The following CSMD1 variants were observed in gnomAD, a reference collection of about 807,000 sequenced individuals.
CSMD1 encodes CUB and Sushi multiple domains 1.
In CSMD1, 213 loss-of-function variants were observed where a neutral mutation model predicts 417.5. The observed-to-expected ratio is 0.51, with a 90% CI of 0.46 to 0.57. The LOEUF is 0.57. Among genes scored for constraint, CSMD1 ranks in the 20% least tolerant of loss-of-function variants. The pLI, the probability that CSMD1 is intolerant of heterozygous loss-of-function variation, is 0.00. For missense variants in CSMD1, 6,923 were observed against 4,529.7 expected, an observed-to-expected ratio of 1.53 and a Z score of -15.17; for synonymous variants, 2,862 against 1,736.8, an observed-to-expected ratio of 1.65 and a Z score of -16.11.
At chr8:3,889,726 G>C (rs542355457) in intron 5 of CSMD1, among the ~76,000 whole-genome samples, 1 of 151,606 alleles carries the variant, frequency 6.6e-6, no homozygotes, top group Non-Finnish European at 1.5e-5. Flanking sequence ...TGGATTTTGT[G>C]AAACAGACTT....
intron 5 of CSMD1, among the ~76,000 whole-genome samples, chr8:3,799,941 A>G (rs546660711): frequency 6.6e-6 from 1 of 152,270 alleles, no homozygotes; most frequent in Admixed American, 6.5e-5. Context: ...ATCCTTATCA[A>G]TAATGGAATA....
At chr8:4,303,420 C>CTTTTTTT (rs1563419612) in intron 3 of CSMD1, among the ~76,000 whole-genome samples, 48 of 92,316 alleles carry the variant, frequency 5.2e-4, no homozygotes, top group Non-Finnish European at 5.8e-4. Flanking sequence ...GGGCAGGAAG[C>CTTTTTTT]TGTTTTTTTT....
chr8:4,161,139 G>C (rs1271587858), intron 3 of CSMD1, among the ~76,000 whole-genome samples: 1 of 151,136 alleles, frequency 6.6e-6, no homozygotes, highest in Non-Finnish European at 1.5e-5. Flanking sequence ...AAAAAGTCAT[G>C]TCTTAAGACA....
At chr8:3,452,075 G>A (rs935302879) in intron 12 of CSMD1, among the ~76,000 whole-genome samples, 12 of 152,134 alleles carry the variant, frequency 7.9e-5, no homozygotes, top group Admixed American at 2.6e-4. Context: ...TCTCTTTGAA[G>A]CAATTGTGAA....
chr8:3,624,453 T>C (rs1796398817), intron 7 of CSMD1, among the ~76,000 whole-genome samples: 1 of 152,240 alleles, frequency 6.6e-6, no homozygotes, highest in Admixed American at 6.5e-5. Flanking sequence ...AAACTCACAC[T>C]TTTTAGCACG....
intron 37 of CSMD1, 112 bp from the exon 38 acceptor site, chr8:3,162,389 C>G (rs1585521208): frequency 2.9e-6 from 2 of 695,664 alleles, no homozygotes; most frequent in East Asian, 5.4e-5. Context: ...TGAACAAAGA[C>G]TTCAACTCTT....
At chr8:4,462,763 A>G (rs1026645835) in intron 2 of CSMD1, among the ~76,000 whole-genome samples, 1 of 152,218 alleles carries the variant, frequency 6.6e-6, no homozygotes, top group African/African-American at 2.4e-5. Context: ...AATGGTGCTC[A>G]GACAACTGAG....
chr8:3,917,687 G>C (rs1285290875), intron 5 of CSMD1, among the ~76,000 whole-genome samples: 1 of 152,020 alleles, frequency 6.6e-6, no homozygotes, highest in Non-Finnish European at 1.5e-5. Flanking sequence ...GTAATGCCAT[G>C]AACTAGATTG....
At chr8:4,338,217 C>T (rs1309247400) in intron 3 of CSMD1, among the ~76,000 whole-genome samples, 3 of 152,116 alleles carry the variant, frequency 2.0e-5, no homozygotes, top group African/African-American at 4.8e-5. Context: ...TGTCATAGTT[C>T]TTGCATATTT....
Position 4,570,263 on chromosome 8 carries a change from T to C in CSMD1, c.302+67079A>G, listed in dbSNP as rs560292460. Among the ~76,000 whole-genome samples, 21 of 152,332 alleles carry C rather than the reference T, an allele frequency of 1.4e-4. No homozygotes were observed. The South Asian group carries it at 2.3e-3, about 17-fold the overall frequency. On this transcript the variant is annotated intron_variant, in intron 2 of 69. Coordinates refer to ENST00000635120, the MANE Select transcript of CSMD1 (RefSeq NM_033225.6). Reference sequence around the variant, plus strand: ...CAGCTTTTGACCATTCTGTATGACATTGGCTGTGGGTTTGTCATACACAGC... The same window carrying C: ...CAGCTTTTGACCATTCTGTATGACACTGGCTGTGGGTTTGTCATACACAGC...
Position 3,189,986 on chromosome 8 carries a change from C to A in CSMD1, c.5324G>T (p.Gly1775Val). The A allele has an allele frequency of 1.3e-6, 2 of 1,599,344 alleles. No homozygotes were observed. The highest frequency in any genetic ancestry group is 1.7e-6 in the Non-Finnish European group (2 of 1,173,278). ...GGACTGGCAGTGGAGCGCCGTGGAA[C>A]CCTGAAGCAGGTATCCCGGGTTGCA... ...FECNPGYLLQ[G>V]STALHCQSVP... The change falls in exon 34 of 70, where the codon GGT (glycine) becomes GTT (valine). Residue 1775 changes from glycine (G) to valine (V), a missense_variant. Transcript: ENST00000635120.
rs182099736 is a variant in CSMD1, at chr8:3,664,036, G to C, written c.1009+44378C>G. The stretch of plus-strand genomic sequence containing the variant: ...GTTAAAGTTCTTAATCTTAAATTTT[G>C]TTATTATTATTAAACTTTAAGTTCT... On this transcript the variant is annotated intron_variant, in intron 7 of 69. Transcript: ENST00000635120. Among the ~76,000 whole-genome samples, 53 of 152,252 alleles carry C rather than the reference G, an allele frequency of 3.5e-4. No homozygotes were observed. In the East Asian group the frequency reaches 7.3e-3, roughly 21 times the overall value.
At chr8:3,464,283 C>A (rs1357602932) in intron 12 of CSMD1, among the ~76,000 whole-genome samples, 1 of 152,006 alleles carries the variant, frequency 6.6e-6, no homozygotes, top group Admixed American at 6.6e-5. Context: ...AAACGTGGGA[C>A]CACTACAATA....
At chr8:4,141,156 A>T (rs1803766503) in intron 3 of CSMD1, among the ~76,000 whole-genome samples, 1 of 151,186 alleles carries the variant, frequency 6.6e-6, no homozygotes, top group South Asian at 2.1e-4. Flanking sequence ...AAGTAACAGA[A>T]CGTGTCTCTC....
At chr8:3,027,069 G>C (rs78387373) in intron 51 of CSMD1, among the ~76,000 whole-genome samples, 3,716 of 151,814 alleles carry the variant, frequency 0.024, 151 homozygotes, top group African/African-American at 0.085. Flanking sequence ...GCTCCAAAAA[G>C]AGAAAAAAAG....
intron 10 of CSMD1, among the ~76,000 whole-genome samples, chr8:3,531,477 T>C (rs553392730): frequency 6.6e-6 from 1 of 152,214 alleles, no homozygotes; most frequent in African/African-American, 2.4e-5. Flanking sequence ...GGTGATCCTG[T>C]CATTGTGAGA....
At position 4,203,827 on chromosome 8, in the gene CSMD1, T is replaced by A. The variant is rs756399648; in HGVS notation, c.416-171728A>T. ...ATTAAAACTAAAACTTGGTCAGGAG[T>A]CATGGCTCATACCTGTAATCCCAGC... On this transcript the variant is annotated intron_variant, in intron 3 of 69. Transcript: ENST00000635120. Among the ~76,000 whole-genome samples, 6 of 152,082 alleles carry A rather than the reference T, an allele frequency of 3.9e-5. No homozygotes were observed. In the East Asian group the frequency reaches 5.8e-4, roughly 15 times the overall value.
chr8:3,942,675 G>T (rs562010988), intron 5 of CSMD1, among the ~76,000 whole-genome samples: 1 of 152,054 alleles, frequency 6.6e-6, no homozygotes, highest in Non-Finnish European at 1.5e-5. Context: ...TGATTTATAG[G>T]TCCTTTTCCC....
intron 8 of CSMD1, among the ~76,000 whole-genome samples, chr8:3,611,590 T>A (rs1801897117): frequency 6.6e-6 from 1 of 152,200 alleles, no homozygotes; most frequent in East Asian, 1.9e-4. Context: ...GTAATAAAAT[T>A]GTAATTTTCA....
Sources: gnomAD v4.1 joint callset for allele counts (sites outside exome capture counted in the v4.1 genomes callset) on GRCh38, gnomAD v4.1.1 for gene constraint, MANE v1.5 for transcripts, NCBI Gene and HGNC (gene_info 2026-07-23, HGNC 2026-07-21) for gene names.